STK32C: variants seen among roughly 807,000 people sequenced by gnomAD.
The protein encoded by STK32C is serine/threonine-protein kinase 32C.
STK32C carries 31 observed loss-of-function variants against 56.5 expected under a neutral mutation model. The observed-to-expected ratio is 0.55, with a 90% confidence interval of 0.41 to 0.74. The LOEUF (loss-of-function observed/expected upper bound fraction) is 0.74, where lower values mean the gene tolerates loss of function less well. Ranked by LOEUF, STK32C falls within the 30% of genes least tolerant of loss-of-function variation. The pLI is 0.00. For synonymous variants in STK32C, 309 were observed against 289.4 expected, an observed-to-expected ratio of 1.07 and a Z score of -0.69; for missense variants, 544 against 676.9, an observed-to-expected ratio of 0.80 and a Z score of 2.18.
chr10:132,218,386 CAAT>C (rs2062533682), intron 10 of STK32C, among the ~76,000 whole-genome samples: 1 of 151,906 alleles, frequency 6.6e-6, no homozygotes, highest in African/African-American at 2.4e-5. Context: ...AAAAAAAAGA[CAAT>C]AAAAATTTTA....
chr10:132,272,143 G>A (rs1481928268), intron 1 of STK32C, among the ~76,000 whole-genome samples: 1 of 152,242 alleles, frequency 6.6e-6, no homozygotes, highest in African/African-American at 2.4e-5. Context: ...GTGGCTGTGT[G>A]TGGAGATGAG....
intron 1 of STK32C, among the ~76,000 whole-genome samples, chr10:132,246,984 A>G (rs1268226034): frequency 2.0e-5 from 3 of 152,186 alleles, no homozygotes; most frequent in African/African-American, 7.2e-5. Flanking sequence ...CTGGTTCATG[A>G]CATTTCACCT....
intron 1 of STK32C, among the ~76,000 whole-genome samples, chr10:132,306,265 C>T (rs1304391059): frequency 6.6e-6 from 1 of 152,256 alleles, no homozygotes; most frequent in East Asian, 1.9e-4. Context: ...TCTCTCAACC[C>T]GCAGCCAGAA....
At chr10:132,321,432 T>C (rs947838863), downstream of STK32C, among the ~76,000 whole-genome samples, 4 of 152,198 alleles carry the variant, frequency 2.6e-5, no homozygotes, top group African/African-American at 9.7e-5. Context: ...CCACATAGCC[T>C]GCTGGGACAA....
At chr10:132,327,434 A>G (rs2066521877) in intron 1 of STK32C, among the ~76,000 whole-genome samples, 1 of 151,992 alleles carries the variant, frequency 6.6e-6, no homozygotes, top group African/African-American at 2.4e-5. Flanking sequence ...CCCTCCCACA[A>G]TTCTCCCCAA....
At chr10:132,222,829 G>A (rs761394211) in intron 9 of STK32C, 32 bp downstream of exon 9, 3 of 1,591,718 alleles carry the variant, frequency 1.9e-6, no homozygotes, top group Non-Finnish European at 2.6e-6. Flanking sequence ...TCCATCCCCA[G>A]GGCCCCCCAC....
chr10:132,235,696 A>G (rs898296639), intron 2 of STK32C, among the ~76,000 whole-genome samples: 2 of 152,052 alleles, frequency 1.3e-5, no homozygotes, highest in African/African-American at 4.8e-5. Context: ...AGTAAACAGC[A>G]AGGACAGGGC....
intron 10 of STK32C, among the ~76,000 whole-genome samples, chr10:132,219,597 T>TCCAA (rs890671488): frequency 6.6e-6 from 1 of 151,970 alleles, no homozygotes; most frequent in Admixed American, 6.5e-5. Context: ...CCGAGAACCT[T>TCCAA]CCAACCATCC....
intron 1 of STK32C, among the ~76,000 whole-genome samples, chr10:132,246,554 C>T (rs1194964075): frequency 1.3e-5 from 2 of 152,176 alleles, no homozygotes; most frequent in South Asian, 2.1e-4. Context: ...AGAGCCTGCG[C>T]CCAGCATGAG....
At chr10:132,266,773 C>T (rs1161323068) in intron 1 of STK32C, among the ~76,000 whole-genome samples, 2 of 149,498 alleles carry the variant, frequency 1.3e-5, no homozygotes, top group African/African-American at 2.5e-5. Flanking sequence ...CAAATGCTCT[C>T]GGGGAGGAGG....
At chr10:132,324,268 C>A (rs761658985) in exon 2 of STK32C, 3 of 779,768 alleles carry the variant, frequency 3.8e-6, no homozygotes, top group African/African-American at 3.4e-5. Flanking sequence ...ACAGAACACA[C>A]CCCCAGCTTT....
At chr10:132,291,837 C>T (rs1029991055) in intron 1 of STK32C, among the ~76,000 whole-genome samples, 1 of 151,992 alleles carries the variant, frequency 6.6e-6, no homozygotes, top group African/African-American at 2.4e-5. Context: ...ACATGGCCTC[C>T]ATGTCCACCT....
intron 1 of STK32C, 94 bp from the exon 2 acceptor site, chr10:132,246,049 GC>G: frequency 2.4e-6 from 3 of 1,234,020 alleles, no homozygotes; most frequent in Non-Finnish European, 2.4e-6. Flanking sequence ...CCCCGACACT[GC>G]CCAGGGCCCC....
chr10:132,230,326 C>T (rs555737467), intron 2 of STK32C, among the ~76,000 whole-genome samples: 67 of 152,354 alleles, frequency 4.4e-4, no homozygotes, highest in Non-Finnish European at 6.0e-4. Flanking sequence ...GGGGCAGAGT[C>T]GCGTGGCTCG....
At chr10:132,267,596 CATGCATGTGT>C (rs1275547471) in intron 1 of STK32C, among the ~76,000 whole-genome samples, 1 of 143,266 alleles carries the variant, frequency 7.0e-6, no homozygotes, top group Admixed American at 7.1e-5. Flanking sequence ...AGTGCATGTG[CATGCATGTGT>C]ATGCATGTTC....
intron 8 of STK32C, among the ~76,000 whole-genome samples, chr10:132,223,325 T>C (rs1253416513): frequency 1.3e-5 from 2 of 152,284 alleles, no homozygotes; most frequent in East Asian, 3.9e-4. Context: ...ACTCGGCACA[T>C]GGCTGGCCTC....
intron 10 of STK32C, among the ~76,000 whole-genome samples, chr10:132,212,791 A>G (rs1239489263): frequency 6.6e-6 from 1 of 152,270 alleles, no homozygotes; most frequent in African/African-American, 2.4e-5. Flanking sequence ...TCCCTGCGAC[A>G]GGAAAAATGC....
In STK32C at chr10:132,248,397, T is replaced by C. The variant is rs78293331; in HGVS notation, c.263-2442A>G. Among the ~76,000 whole-genome samples the C allele has an allele frequency of 2.6e-4, 39 of 152,214 alleles. No individual in the cohort carries two copies. In the East Asian group the frequency reaches 6.0e-3, roughly 23 times the overall value. The stretch of plus-strand genomic sequence containing the variant: ...GCCCTGCAGTGGGGAGGGGACAGGG[T>C]GTCAGGGCGAGGCCCAGGGCTGAGC... On this transcript the variant is annotated intron_variant, in intron 1 of 11. Transcript: ENST00000298630.
chr10:132,270,710 G>A (rs961622164), intron 1 of STK32C, among the ~76,000 whole-genome samples: 3 of 152,144 alleles, frequency 2.0e-5, no homozygotes, highest in South Asian at 2.1e-4. Flanking sequence ...CTCCCTCTGC[G>A]TCTGTAACCA....
Sources: allele counts gnomAD v4.1 joint callset (sites outside exome capture counted in the v4.1 genomes callset), GRCh38; gene constraint gnomAD v4.1.1; transcripts MANE v1.5; gene names NCBI Gene and HGNC (gene_info 2026-07-23, HGNC 2026-07-21).